ACTL7B: variants seen among roughly 807,000 people sequenced by gnomAD.
The protein encoded by ACTL7B is actin like 7B.
A neutral mutation model predicts 17.5 loss-of-function variants in ACTL7B; 14 were observed. That is an observed-to-expected ratio of 0.80 (90% confidence interval 0.53 to 1.25). The LOEUF is 1.25. Ranked by LOEUF, ACTL7B falls within the 50% of genes most tolerant of loss-of-function variation. The pLI, the probability that ACTL7B is intolerant of heterozygous loss-of-function variation, is 0.00. For missense variants in ACTL7B, 599 were observed against 573.9 expected (o/e 1.04, Z -0.45); for synonymous variants, 267 against 252.4 (o/e 1.06, Z -0.55).
rs149121708 is a variant in ACTL7B, at chr9:108,855,496, G to A, written c.435C>T (p.His145=). The change falls in exon 1 of 1, where the codon CAC becomes CAT. Residue 145 remains histidine, a synonymous_variant. Coordinates refer to ENST00000374667, the MANE Select transcript of ACTL7B (RefSeq NM_006686.4). ...RTAMKILPEE[H]AVLVSDPPLS... is the part of the protein sequence containing the mutation. ...GCGGAGGGTCGGAGACCAGCACAGC[G>A]TGCTCCTCGGGGAGGATCTTCATGG... The A allele has an allele frequency of 1.2e-5, 20 of 1,613,368 alleles. No homozygotes were observed. The highest frequency in any genetic ancestry group is 1.6e-4 in the Middle Eastern group (1 of 6,084).
In ACTL7B at chr9:108,855,925, C is replaced by A; in HGVS notation, c.6G>T (p.Ala2=). Residue 2 remains alanine, a synonymous_variant, in exon 1 of 1, where the codon GCG becomes GCT. Transcript: ENST00000374667. M[A]TRNSPMPLGT... Reference sequence around the variant, plus strand: ...CCAGGGGCATGGGGCTGTTCCTTGTCGCCATCTGCCTCCCTTGCTCCCCTT... The same window carrying A: ...CCAGGGGCATGGGGCTGTTCCTTGTAGCCATCTGCCTCCCTTGCTCCCCTT... 1.3e-6 allele frequency: 2 copies of A among 1,572,426 alleles called. No individual in the cohort carries two copies. The highest frequency in any genetic ancestry group is 1.2e-5 in the South Asian group (1 of 83,212).
At position 108,855,270 on chromosome 9, in the gene ACTL7B, G is replaced by A. The variant is rs756533515; in HGVS notation, c.661C>T (p.Arg221Cys). 69 of 1,596,930 alleles carry A rather than the reference G, an allele frequency of 4.3e-5. No individual in the cohort carries two copies. The highest frequency in any genetic ancestry group is 5.5e-5 in the Non-Finnish European group (65 of 1,177,134). ...AGGTCACCCCCAGCGTAGTCGGCGC[G>A]GCTGGTCAGGCCCGGCAGCACGTCG... ...EGDVLPGLTS[R>C]ADYAGGDLTN... Residue 221 changes from arginine to cysteine, a missense_variant, in exon 1 of 1, where the codon CGC becomes TGC. Transcript: ENST00000374667.
At position 108,855,968 on chromosome 9, in the gene ACTL7B, G is replaced by A. The variant is rs1367704039; in HGVS notation, c.-38C>T. 1.3e-6 allele frequency: 2 copies of A among 1,531,670 alleles called. No individual in the cohort carries two copies. Among genetic ancestry groups the A allele is most frequent in the African/African-American group, 2.8e-5 (2 of 72,128 alleles). The allele number at this position is 1,531,670 out of a possible 1,614,324, so 94.9% of individuals were successfully genotyped here. A position where few individuals can be genotyped will look rare whatever the true frequency, so the allele number is the denominator to read the frequency against. On this transcript the variant is annotated 5_prime_UTR_variant, in exon 1 of 1. Transcript: ENST00000374667. ...CTCCCCTTCTCACATCCACAGCCTAGAGCCCCCTGGGGAGAAATGAGATCC... is the reference window on the plus strand; with the variant it reads ...CTCCCCTTCTCACATCCACAGCCTAAAGCCCCCTGGGGAGAAATGAGATCC...
In ACTL7B at chr9:108,854,912, A is replaced by G; in HGVS notation, c.1019T>C (p.Leu340Pro). The G allele has an allele frequency of 6.6e-7, 1 of 1,517,790 alleles. No individual in the cohort carries two copies. The highest frequency in any genetic ancestry group is 8.8e-7 in the Non-Finnish European group (1 of 1,133,190). 94.0% of individuals were successfully genotyped at this position (1,517,790 alleles called of 1,614,324 possible). The change falls in exon 1 of 1, where the codon CTA (leucine) becomes CCA (proline). Residue 340 changes from leucine (L) to proline (P), a missense_variant. Coordinates refer to ENST00000374667, the MANE Select transcript of ACTL7B (RefSeq NM_006686.4). Reference sequence around the variant, plus strand: ...CAGCATAGTGCAGCCGCCACACAGTAGCACGTTGGCGGCCATCTCCTCCTT... The same window carrying G: ...CAGCATAGTGCAGCCGCCACACAGTGGCACGTTGGCGGCCATCTCCTCCTT... Reference protein sequence around the residue: ...GFKEEMAANVLLCGGCTMLDG... With the variant: ...GFKEEMAANVPLCGGCTMLDG...
chr9:108,855,211 C>T lies in ACTL7B; in HGVS notation c.720G>A (p.Ala240=), dbSNP rs765925143. The T allele has an allele frequency of 3.8e-6, 6 of 1,597,916 alleles. No individual in the cohort carries two copies. The highest frequency in any genetic ancestry group is 1.7e-5 in the Admixed American group (1 of 59,836). The change falls in exon 1 of 1, where the codon GCG becomes GCA. Residue 240 remains alanine (A), a synonymous_variant. Coordinates refer to ENST00000374667, the MANE Select transcript of ACTL7B (RefSeq NM_006686.4). ...TNYLMQLLNE[A]GHAFTDDHLH... Reference sequence around the variant, plus strand: ...GGTGGTCGTCCGTGAATGCGTGGCCCGCCTCATTGAGCAGCTGCATCAGGT... The same window carrying T: ...GGTGGTCGTCCGTGAATGCGTGGCCTGCCTCATTGAGCAGCTGCATCAGGT...
In ACTL7B at chr9:108,855,653, CG is replaced by C. The variant is rs757897662; in HGVS notation, c.277del (p.Arg93AlafsTer5). ...CTCATGGCCCACTAAAGTCCACTTGCGGGTGTCGCCAGCGTCGGCCGCCTCG... is the reference window on the plus strand; with the variant it reads ...CTCATGGCCCACTAAAGTCCACTTGCGGTGTCGCCAGCGTCGGCCGCCTCG... ...CPEAADAGDT[R>X]KWTLVGHELL... is the part of the protein sequence containing the mutation. On this transcript the variant is annotated frameshift_variant, in exon 1 of 1. Transcript: ENST00000374667. LOFTEE classifies it high-confidence loss of function. The C allele has an allele frequency of 6.2e-7, 1 of 1,613,350 alleles. No individual in the cohort carries two copies. Among genetic ancestry groups the C allele is most frequent in the Non-Finnish European group, 8.5e-7 (1 of 1,180,040 alleles).
In ACTL7B at chr9:108,854,904, C is replaced by T. The variant is rs772137420; in HGVS notation, c.1027G>A (p.Gly343Ser). The T allele has an allele frequency of 1.1e-5, 16 of 1,517,094 alleles. No homozygotes were observed. Among genetic ancestry groups the T allele is most frequent in the Admixed American group, 4.5e-5 (2 of 44,794 alleles). 94.0% of individuals were successfully genotyped at this position (1,517,094 alleles called of 1,614,324 possible). A position where few individuals can be genotyped will look rare whatever the true frequency, so the allele number is the denominator to read the frequency against. The change falls in exon 1 of 1, where the codon GGC (glycine) becomes AGC (serine). Residue 343 changes from glycine to serine, a missense_variant. Coordinates refer to ENST00000374667, the MANE Select transcript of ACTL7B (RefSeq NM_006686.4). Reference protein sequence around the residue: ...EEMAANVLLCGGCTMLDGFPE... With the variant: ...EEMAANVLLCSGCTMLDGFPE... ...AAGCCATCCAGCATAGTGCAGCCGCCACACAGTAGCACGTTGGCGGCCATC... is the reference window on the plus strand; with the variant it reads ...AAGCCATCCAGCATAGTGCAGCCGCTACACAGTAGCACGTTGGCGGCCATC...
chr9:108,855,205 G>A lies in ACTL7B; in HGVS notation c.726C>T (p.His242=), dbSNP rs1346809577. 3 of 1,599,048 alleles carry A rather than the reference G, an allele frequency of 1.9e-6. No individual in the cohort carries two copies. Among genetic ancestry groups the A allele is most frequent in the Non-Finnish European group, 2.5e-6 (3 of 1,176,612 alleles). ...TGTGCAGGTGGTCGTCCGTGAATGC[G>A]TGGCCCGCCTCATTGAGCAGCTGCA... ...YLMQLLNEAG[H]AFTDDHLHII... is the part of the protein sequence containing the mutation. Residue 242 remains histidine (H), a synonymous_variant, in exon 1 of 1, where the codon CAC becomes CAT. Coordinates refer to ENST00000374667, the MANE Select transcript of ACTL7B (RefSeq NM_006686.4).
rs1827093634 is a variant in ACTL7B, at chr9:108,855,765, G to A, written c.166C>T (p.Leu56=). ...CCGCACTTGCAGTACTGGGAGCCCA[G>A]GTCGATGATGACCGCCTTGATCTTG... The part of the protein sequence containing the change: ...VHKIKAVIID[L]GSQYCKCGYA... Residue 56 remains leucine, a synonymous_variant, in exon 1 of 1, where the codon CTG becomes TTG. Coordinates refer to ENST00000374667, the MANE Select transcript of ACTL7B (RefSeq NM_006686.4). 2 of 1,609,478 alleles carry A rather than the reference G, an allele frequency of 1.2e-6. No homozygotes were observed. The highest frequency in any genetic ancestry group is 1.3e-5 in the African/African-American group (1 of 74,948).
Position 108,854,678 on chromosome 9 carries a change from G to C in ACTL7B, c.*5C>G, listed in dbSNP as rs1193160359. ...TGGAGGCCTTGTCTGTGGAAATGCCGAGGCTCAGCACTTGCTGTAGATGGC... is the reference window on the plus strand; with the variant it reads ...TGGAGGCCTTGTCTGTGGAAATGCCCAGGCTCAGCACTTGCTGTAGATGGC... On this transcript the variant is annotated 3_prime_UTR_variant, in exon 1 of 1. Transcript: ENST00000374667. 1 of 1,491,254 alleles carries C rather than the reference G, an allele frequency of 6.7e-7. No individual in the cohort carries two copies. Among genetic ancestry groups the C allele is most frequent in the Non-Finnish European group, 8.9e-7 (1 of 1,118,652 alleles). 92.4% of individuals were successfully genotyped at this position (1,491,254 alleles called of 1,614,324 possible).
Position 108,854,667 on chromosome 9 carries a change from G to T in ACTL7B, c.*16C>A, listed in dbSNP as rs2118884946. On this transcript the variant is annotated 3_prime_UTR_variant, in exon 1 of 1. Coordinates refer to ENST00000374667, the MANE Select transcript of ACTL7B (RefSeq NM_006686.4). ...GCCATCTGTGCTGGAGGCCTTGTCT[G>T]TGGAAATGCCGAGGCTCAGCACTTG... 6.7e-7 allele frequency: 1 copy of T among 1,490,034 alleles called. No individual in the cohort carries two copies. Among genetic ancestry groups the T allele is most frequent in the East Asian group, 2.3e-5 (1 of 42,948 alleles). 92.3% of individuals were successfully genotyped at this position (1,490,034 alleles called of 1,614,324 possible). A position where few individuals can be genotyped will look rare whatever the true frequency, so the allele number is the denominator to read the frequency against.
At position 108,855,861 on chromosome 9, in the gene ACTL7B, G is replaced by A. The variant is rs1246160382; in HGVS notation, c.70C>T (p.Pro24Ser). 4.3e-6 allele frequency: 7 copies of A among 1,610,616 alleles called. No individual in the cohort carries two copies. In the East Asian group the frequency reaches 1.1e-4, roughly 26 times the overall value. The change falls in exon 1 of 1, where the codon CCC becomes TCC. Residue 24 changes from proline (P) to serine (S), a missense_variant. Coordinates refer to ENST00000374667, the MANE Select transcript of ACTL7B (RefSeq NM_006686.4). ...TCCCGGAGGCTGGCGTCAGGGCCGG[G>A]CCGTGTTCCTGCCTCTCCAGGGTCA... The part of the protein sequence containing the change: ...QGDPGEAGTR[P>S]GPDASLRDTG...
chr9:108,855,021 G>T lies in ACTL7B; in HGVS notation c.910C>A (p.Gln304Lys). ...ERFRCSEMLF[Q>K]PSLAGSTQPG... ...TGGGTGCTGCCTGCCAGGGAGGGCT[G>T]GAAGAGCATCTCAGAGCAACGGAAG... is the stretch of plus-strand genomic sequence containing the variant. The change falls in exon 1 of 1, where the codon CAG (glutamine) becomes AAG (lysine). Residue 304 changes from glutamine (Q) to lysine (K), a missense_variant. Transcript: ENST00000374667. 1 of 1,521,374 alleles carries T rather than the reference G, an allele frequency of 6.6e-7. No individual in the cohort carries two copies. Among genetic ancestry groups the T allele is most frequent in the South Asian group, 1.3e-5 (1 of 76,346 alleles). 94.2% of individuals were successfully genotyped at this position (1,521,374 alleles called of 1,614,324 possible). A position where few individuals can be genotyped will look rare whatever the true frequency, so the allele number is the denominator to read the frequency against.
Position 108,855,763 on chromosome 9 carries a change from C to T in ACTL7B, c.168G>A (p.Leu56=), listed in dbSNP as rs766869189. 2.5e-6 allele frequency: 4 copies of T among 1,609,554 alleles called. 1 individual carries two copies. Among genetic ancestry groups the T allele is most frequent in the Non-Finnish European group, 3.4e-6 (4 of 1,179,974 alleles). ...VHKIKAVIID[L]GSQYCKCGYA... is the part of the protein sequence containing the mutation. ...AGCCGCACTTGCAGTACTGGGAGCC[C>T]AGGTCGATGATGACCGCCTTGATCT... The change falls in exon 1 of 1, where the codon CTG becomes CTA. Residue 56 remains leucine, a synonymous_variant. Coordinates refer to ENST00000374667, the MANE Select transcript of ACTL7B (RefSeq NM_006686.4).
rs757840205 is a variant in ACTL7B, at chr9:108,855,454, G to T, written c.477C>A (p.Asn159Lys). 1 of 1,613,344 alleles carries T rather than the reference G, an allele frequency of 6.2e-7. No homozygotes were observed. Among genetic ancestry groups the T allele is most frequent in the South Asian group, 1.1e-5 (1 of 91,084 alleles). ...ACATGAGCTCCGCGTACTTCTCCCG[G>T]TTGCTGCTGGGGCTGAGCGGAGGGT... Reference protein sequence around the residue: ...VSDPPLSPSSNREKYAELMFE... With the variant: ...VSDPPLSPSSKREKYAELMFE... The change falls in exon 1 of 1, where the codon AAC becomes AAA. Residue 159 changes from asparagine to lysine, a missense_variant. Transcript: ENST00000374667.
In ACTL7B at chr9:108,854,682, C is replaced by T; in HGVS notation, c.*1G>A. 6.7e-7 allele frequency: 1 copy of T among 1,503,712 alleles called. No individual in the cohort carries two copies. Among genetic ancestry groups the T allele is most frequent in the African/African-American group, 1.4e-5 (1 of 71,854 alleles). 93.1% of individuals were successfully genotyped at this position (1,503,712 alleles called of 1,614,324 possible). A position where few individuals can be genotyped will look rare whatever the true frequency, so the allele number is the denominator to read the frequency against. On this transcript the variant is annotated 3_prime_UTR_variant, in exon 1 of 1. Transcript: ENST00000374667. ...GGCCTTGTCTGTGGAAATGCCGAGG[C>T]TCAGCACTTGCTGTAGATGGCCACG... is the stretch of plus-strand genomic sequence containing the variant.
Position 108,855,523 on chromosome 9 carries a change from G to T in ACTL7B, c.408C>A (p.Thr136=). ...GCTCCTCGGGGAGGATCTTCATGGC[G>T]GTGCGGAAGATGTACTCCCAGATGT... ...VQDIWEYIFR[T]AMKILPEEHA... Residue 136 remains threonine, a synonymous_variant, in exon 1 of 1, where the codon ACC becomes ACA. Transcript: ENST00000374667. The T allele has an allele frequency of 6.2e-7, 1 of 1,613,566 alleles. No individual in the cohort carries two copies. Among genetic ancestry groups the T allele is most frequent in the Non-Finnish European group, 8.5e-7 (1 of 1,180,032 alleles).
rs1421664542 is a variant in ACTL7B, at chr9:108,855,543, A to G, written c.388T>C (p.Trp130Arg). The G allele has an allele frequency of 3.7e-6, 6 of 1,613,586 alleles. No homozygotes were observed. The highest frequency in any genetic ancestry group is 3.4e-6 in the Non-Finnish European group (4 of 1,180,046). ...ATGGCGGTGCGGAAGATGTACTCCC[A>G]GATGTCCTGCACGCAGTCCCAGTCC... ...VVDWDCVQDIWEYIFRTAMKI... is the reference protein window; with the variant it reads ...VVDWDCVQDIREYIFRTAMKI... Residue 130 changes from tryptophan (W) to arginine (R), a missense_variant, in exon 1 of 1, where the codon TGG (tryptophan) becomes CGG (arginine). Transcript: ENST00000374667.
chr9:108,855,832 T>C lies in ACTL7B; in HGVS notation c.99A>G (p.Thr33=), dbSNP rs749317631. 4.3e-6 allele frequency: 7 copies of C among 1,611,482 alleles called. No homozygotes were observed. Among genetic ancestry groups the C allele is most frequent in the Non-Finnish European group, 5.9e-6 (7 of 1,179,980 alleles). The change falls in exon 1 of 1, where the codon ACA becomes ACG. Residue 33 remains threonine (T), a synonymous_variant. Transcript: ENST00000374667. ...RPGPDASLRD[T]GAATQLKMKP... ...TCATCTTGAGCTGAGTGGCCGCACCTGTGTCCCGGAGGCTGGCGTCAGGGC... is the reference window on the plus strand; with the variant it reads ...TCATCTTGAGCTGAGTGGCCGCACCCGTGTCCCGGAGGCTGGCGTCAGGGC...
Sources: gnomAD v4.1 joint callset for allele counts on GRCh38, gnomAD v4.1.1 for gene constraint, MANE v1.5 for transcripts, NCBI Gene and HGNC (gene_info 2026-07-23, HGNC 2026-07-21) for gene names.